GLB1: variants seen among roughly 807,000 people sequenced by gnomAD.
GLB1 encodes beta-galactosidase.
In GLB1, 56 loss-of-function variants were observed where a neutral mutation model predicts 74.0. That is an observed-to-expected ratio of 0.76 (90% CI 0.61 to 0.94). The LOEUF (loss-of-function observed/expected upper bound fraction) is 0.94, where lower values mean the gene tolerates loss of function less well. GLB1 is among the 40% of genes least tolerant of loss of function. The pLI, the probability that GLB1 is intolerant of heterozygous loss-of-function variation, is 0.00. For synonymous variants in GLB1, 323 were observed against 323.6 expected, an observed-to-expected ratio of 1.00 and a Z score of 0.02; for missense variants, 787 against 845.5, an observed-to-expected ratio of 0.93 and a Z score of 0.86.
chr3:33,058,126 G>C lies in GLB1; in HGVS notation c.696C>G (p.Ala232=), dbSNP rs1699293059. ...CCACCGTGGTGTAGAGGCCCTGCAGGGCCCCACATTTCAGGAATGTTTTAT... is the reference window on the plus strand; with the variant it reads ...CCACCGTGGTGTAGAGGCCCTGCAGCGCCCCACATTTCAGGAATGTTTTAT... ...GAHKTFLKCG[A]LQGLYTTVDF... is the part of the protein sequence containing the mutation. Residue 232 remains alanine, a synonymous_variant, in exon 6 of 16, where the codon GCC becomes GCG. Coordinates refer to ENST00000307363, the MANE Select transcript of GLB1 (RefSeq NM_000404.4). 1.2e-6 allele frequency: 2 copies of C among 1,613,880 alleles called. No homozygotes were observed. The highest frequency in any genetic ancestry group is 2.7e-5 in the African/African-American group (2 of 74,952).
Position 33,092,472 on chromosome 3 carries a change from C to T in GLB1, c.75+4539G>A, listed in dbSNP as rs972806368. 132 of 1,032,128 alleles carry T rather than the reference C, an allele frequency of 1.3e-4. 2 individuals carry two copies. The Middle Eastern group carries it at 3.3e-3, about 26-fold the overall frequency. The allele number at this position is 1,032,128 out of a possible 1,614,324, so 63.9% of individuals were successfully genotyped here. ...GGAGAAAAATGCTCCTGCTCCTCCC[C>T]GCCCCACCTTCTAGAGGTATGCCTT... is the stretch of plus-strand genomic sequence containing the variant. On this transcript the variant is annotated intron_variant, in intron 1 of 15. Coordinates refer to ENST00000307363, the MANE Select transcript of GLB1 (RefSeq NM_000404.4).
intron 13 of GLB1, among the ~76,000 whole-genome samples, chr3:33,017,282 TC>T (rs1559383831): frequency 6.6e-6 from 1 of 152,182 alleles, no homozygotes; most frequent in Non-Finnish European, 1.5e-5. Context: ...TATTCTCACC[TC>T]AAAATACTTG....
intron 9 of GLB1, among the ~76,000 whole-genome samples, chr3:33,051,233 C>CA (rs35399363): frequency 0.24 from 18,272 of 75,126 alleles, 1,887 homozygotes; most frequent in Non-Finnish European, 0.28. Flanking sequence ...GACTGCGTCT[C>CA]AAAAAAAAAA....
intron 1 of GLB1, chr3:33,091,019 G>GT (rs1239659585): frequency 3.0e-6 from 3 of 985,228 alleles, no homozygotes; most frequent in Admixed American, 6.2e-5. Context: ...GAAATAACAC[G>GT]TAACAGGTGA....
intron 12 of GLB1, among the ~76,000 whole-genome samples, chr3:33,019,139 CTAA>C (rs55687583): frequency 1.3e-5 from 2 of 151,460 alleles, no homozygotes; most frequent in Non-Finnish European, 2.9e-5. Context: ...GACCTCATCT[CTAA>C]TAATAATAAT....
the GLB1 span, among the ~76,000 whole-genome samples, chr3:32,966,525 C>T: frequency 6.6e-6 from 1 of 152,060 alleles, no homozygotes; most frequent in African/African-American, 2.4e-5. Context: ...AAGGGAGTTG[C>T]CTTGTTTCAG....
chr3:33,054,105 A>T (rs1443728546), intron 6 of GLB1, among the ~76,000 whole-genome samples: 1 of 152,172 alleles, frequency 6.6e-6, no homozygotes, highest in East Asian at 1.9e-4. Context: ...CACAGCAAGA[A>T]GGCACGGCAC....
chr3:32,974,008 A>G, the GLB1 span, among the ~76,000 whole-genome samples: 34 of 152,298 alleles, frequency 2.2e-4, 1 homozygote, highest in Admixed American at 1.9e-3. Context: ...AGGGCAAGGC[A>G]GAGCTACTCC....
chr3:33,002,743 CA>C (rs1193967235), intron 15 of GLB1, among the ~76,000 whole-genome samples: 2 of 151,980 alleles, frequency 1.3e-5, no homozygotes, highest in Non-Finnish European at 1.5e-5. Context: ...TAAAATTTTC[CA>C]AAATTTTTTG....
At chr3:33,065,392 T>A in intron 5 of GLB1, 71 bp downstream of exon 5, 3 of 1,531,612 alleles carry the variant, frequency 2.0e-6, no homozygotes, top group Non-Finnish European at 2.7e-6. Flanking sequence ...CTGCATCACT[T>A]CTATCATTTA....
At chr3:33,023,227 A>G (rs1697577174) in intron 11 of GLB1, among the ~76,000 whole-genome samples, 1 of 152,228 alleles carries the variant, frequency 6.6e-6, no homozygotes, top group South Asian at 2.1e-4. Context: ...ATAAAAATAG[A>G]TTTGTCATGG....
At position 33,093,193 on chromosome 3, in the gene GLB1, C is replaced by T; in HGVS notation, c.75+3818G>A. On this transcript the variant is annotated intron_variant, in intron 1 of 15. Coordinates refer to ENST00000307363, the MANE Select transcript of GLB1 (RefSeq NM_000404.4). This position sits in a 1 kb window ranked among gnomAD's most constrained non-coding sequence, Gnocchi z 6.0. The stretch of plus-strand genomic sequence containing the variant: ...TGCAGGATGTCTGCTTCAATATCGT[C>T]CACCCCAGCCAAGCAGATCCAGTCC... 2 of 1,613,992 alleles carry T rather than the reference C, an allele frequency of 1.2e-6. No individual in the cohort carries two copies. The highest frequency in any genetic ancestry group is 1.7e-6 in the Non-Finnish European group (2 of 1,179,956).
chr3:33,096,956 C>G, intron 1 of GLB1, 55 bp downstream of exon 1: 6 of 1,589,196 alleles, frequency 3.8e-6, no homozygotes, highest in Non-Finnish European at 5.1e-6. Flanking sequence ...AGCCCGGTTC[C>G]CCGCCAGCCT....
the GLB1 span, among the ~76,000 whole-genome samples, chr3:32,968,093 C>T: frequency 1.3e-5 from 2 of 152,112 alleles, no homozygotes; most frequent in African/African-American, 2.4e-5. Context: ...GTACATTAAC[C>T]GAGATCAGGA....
chr3:33,088,368 TACACACACACACACACACACACAC>T (rs55949952), intron 1 of GLB1, among the ~76,000 whole-genome samples: 4 of 141,826 alleles, frequency 2.8e-5, no homozygotes, highest in Admixed American at 1.4e-4. Flanking sequence ...CCCTAAAGAC[TACACACACACACACACACACACAC>T]ACACACACAC....
chr3:33,086,037 C>T (rs1013926611), intron 1 of GLB1, among the ~76,000 whole-genome samples: 2 of 151,888 alleles, frequency 1.3e-5, no homozygotes, highest in South Asian at 4.2e-4. Flanking sequence ...ACAGTCACAC[C>T]ACTGCACTCC....
intron 1 of GLB1, among the ~76,000 whole-genome samples, chr3:33,074,410 ATATTAC>A (rs1700033596): frequency 2.7e-4 from 37 of 136,940 alleles, no homozygotes; most frequent in Non-Finnish European, 3.8e-4. Context: ...GAAAGAAAGA[ATATTAC>A]ACATAGTAAA....
the GLB1 span, among the ~76,000 whole-genome samples, chr3:32,962,415 T>C: frequency 2.0e-5 from 3 of 150,792 alleles, no homozygotes; most frequent in East Asian, 5.8e-4. Context: ...GGAAATGTGA[T>C]GTGCAGTAAA....
intron 1 of GLB1, among the ~76,000 whole-genome samples, chr3:33,095,760 C>T (rs1455503144): frequency 3.9e-5 from 6 of 152,168 alleles, no homozygotes; most frequent in African/African-American, 7.2e-5. Context: ...TTCCCCTAGC[C>T]CCTTACCCTG....
Sources: gnomAD v4.1 joint callset for allele counts (sites outside exome capture counted in the v4.1 genomes callset) on GRCh38, gnomAD v4.1.1 for gene constraint, Gnocchi (gnomAD v3.1) non-coding constraint, MANE v1.5 for transcripts, NCBI Gene and HGNC (gene_info 2026-07-23, HGNC 2026-07-21) for gene names.